The following LOC128071545 variants were observed in gnomAD, a reference collection of about 807,000 sequenced individuals.
the LOC128071545 span, chr15:81,002,264 C>T: frequency 7.9e-6 from 10 of 1,273,454 alleles, no homozygotes; most frequent in South Asian, 2.4e-4. Context: ...CAGTGCCCCC[C>T]GGGCGCGATG....
chr15:81,002,211 G>A, the LOC128071545 span: 11 of 1,215,934 alleles, frequency 9.0e-6, no homozygotes, highest in African/African-American at 1.6e-4. Context: ...CGGCGGCAGT[G>A]GCCGCGGCAG....
chr15:81,002,189 C>T, the LOC128071545 span: 2 of 1,201,500 alleles, frequency 1.7e-6, no homozygotes, highest in African/African-American at 1.6e-5. Flanking sequence ...TGAGTCGCGA[C>T]GGCCGCCGGG....
the LOC128071545 span, chr15:81,002,202 G>A: frequency 8.3e-7 from 1 of 1,211,088 alleles, no homozygotes; most frequent in African/African-American, 1.6e-5. Context: ...CCGCCGGGGC[G>A]GCGGCAGTGG....
At chr15:81,002,158 G>A in the LOC128071545 span, 1 of 1,116,346 alleles carries the variant, frequency 9.0e-7, no homozygotes, top group East Asian at 3.6e-5. Context: ...GTGCGGGGAA[G>A]GCACCGCGGC....
chr15:81,002,240 C>T, the LOC128071545 span: 16 of 1,250,538 alleles, frequency 1.3e-5, 1 homozygote, highest in Admixed American at 6.3e-4. Context: ...GTAGCGGGCT[C>T]CCCAGCGGCA....
At chr15:81,002,210 T>C in the LOC128071545 span, 1,165 of 1,214,850 alleles carry the variant, frequency 9.6e-4, 9 homozygotes, top group African/African-American at 0.017. Context: ...GCGGCGGCAG[T>C]GGCCGCGGCA....
the LOC128071545 span, chr15:81,002,190 G>A: frequency 1.7e-6 from 2 of 1,199,836 alleles, no homozygotes; most frequent in African/African-American, 3.2e-5. Context: ...GAGTCGCGAC[G>A]GCCGCCGGGG....
chr15:81,002,227 G>A, the LOC128071545 span: 6 of 1,226,116 alleles, frequency 4.9e-6, no homozygotes, highest in Non-Finnish European at 6.1e-6. Flanking sequence ...GGCAGCGGCG[G>A]TGGTAGCGGG....
At chr15:81,002,216 C>T in the LOC128071545 span, 1 of 1,218,968 alleles carries the variant, frequency 8.2e-7, no homozygotes, top group Non-Finnish European at 1.0e-6. Context: ...GCAGTGGCCG[C>T]GGCAGCGGCG....
the LOC128071545 span, chr15:81,002,216 C>A: frequency 1.6e-6 from 2 of 1,218,968 alleles, no homozygotes; most frequent in Non-Finnish European, 2.0e-6. Context: ...GCAGTGGCCG[C>A]GGCAGCGGCG....
chr15:81,002,201 C>T, the LOC128071545 span: 50 of 1,210,302 alleles, frequency 4.1e-5, no homozygotes, highest in South Asian at 8.4e-5. Flanking sequence ...GCCGCCGGGG[C>T]GGCGGCAGTG....
the LOC128071545 span, chr15:81,002,160 C>T: frequency 2.1e-4 from 235 of 1,125,200 alleles, no homozygotes; most frequent in Middle Eastern, 3.8e-3. Flanking sequence ...GCGGGGAAGG[C>T]ACCGCGGCCT....
chr15:81,002,198 G>A, the LOC128071545 span: 2 of 1,207,456 alleles, frequency 1.7e-6, no homozygotes, highest in Non-Finnish European at 2.1e-6. Flanking sequence ...ACGGCCGCCG[G>A]GGCGGCGGCA....
the LOC128071545 span, chr15:81,002,248 G>T: frequency 8.0e-7 from 1 of 1,257,046 alleles, no homozygotes; most frequent in Non-Finnish European, 1.0e-6. Flanking sequence ...CTCCCCAGCG[G>T]CATGCCAGTG....
chr15:81,002,199 G>C, the LOC128071545 span: 1 of 1,208,246 alleles, frequency 8.3e-7, no homozygotes, highest in African/African-American at 1.6e-5. Flanking sequence ...CGGCCGCCGG[G>C]GCGGCGGCAG....
chr15:81,002,198 G>GGGCGGCGGCAGTGGCCGCGGCAGC, the LOC128071545 span: 8 of 1,207,564 alleles, frequency 6.6e-6, no homozygotes, highest in South Asian at 2.5e-4. Flanking sequence ...ACGGCCGCCG[G>GGGCGGCGGCAGTGGCCGCGGCAGC]GGCGGCGGCA....
the LOC128071545 span, chr15:81,002,210 TGGCCGCGGCAGC>T: frequency 1.6e-6 from 2 of 1,214,852 alleles, no homozygotes; most frequent in Non-Finnish European, 2.0e-6. Flanking sequence ...GCGGCGGCAG[TGGCCGCGGCAGC>T]GGCGGTGGTA....
the LOC128071545 span, chr15:81,002,215 G>A: frequency 4.9e-6 from 6 of 1,218,046 alleles, no homozygotes; most frequent in Non-Finnish European, 6.1e-6. Context: ...GGCAGTGGCC[G>A]CGGCAGCGGC....
At chr15:81,002,199 GGCGGCGGCAGTGGCCGCGGCA>G in the LOC128071545 span, 7 of 1,208,246 alleles carry the variant, frequency 5.8e-6, no homozygotes, top group East Asian at 1.4e-4. Context: ...CGGCCGCCGG[GGCGGCGGCAGTGGCCGCGGCA>G]GCGGCGGTGG....
Sources: gnomAD v4.1 joint callset for allele counts on GRCh38, gnomAD v4.1.1 for gene constraint, MANE v1.5 for transcripts.